The following SORCS1 variants were observed in gnomAD, a reference collection of about 807,000 sequenced individuals.
SORCS1 encodes sortilin related VPS10 domain containing receptor 1, also known as VPS10 domain-containing receptor SorCS1.
Under a neutral mutation model 146.1 loss-of-function variants are expected in SORCS1, and 60 were observed. That is an observed-to-expected ratio of 0.41 (90% CI 0.33 to 0.51). The LOEUF (loss-of-function observed/expected upper bound fraction) is 0.51, where lower values mean the gene tolerates loss of function less well. Among genes scored for constraint, SORCS1 ranks in the 20% least tolerant of loss-of-function variants. The probability of loss-of-function intolerance (pLI) is 0.21; values close to 1 mark genes in which losing one functional copy is unlikely to be tolerated. For synonymous variants in SORCS1, 637 were observed against 584.0 expected, an observed-to-expected ratio of 1.09 and a Z score of -1.31; for missense variants, 1,352 against 1,487.6, an observed-to-expected ratio of 0.91 and a Z score of 1.50.
intron 1 of SORCS1, among the ~76,000 whole-genome samples, chr10:107,039,068 G>A (rs550425729): frequency 6.6e-6 from 1 of 152,064 alleles, no homozygotes; most frequent in Non-Finnish European, 1.5e-5. Context: ...AAGAAATCAC[G>A]CCTGTAATCC....
At chr10:106,834,503 T>C (rs563489444) in intron 2 of SORCS1, among the ~76,000 whole-genome samples, 5 of 152,242 alleles carry the variant, frequency 3.3e-5, no homozygotes, top group South Asian at 2.1e-4. Context: ...CTAATGAGAT[T>C]AGTGTTCTGA....
chr10:106,944,279 G>C lies in SORCS1; in HGVS notation c.626+12234C>G, dbSNP rs73380965. Among the ~76,000 whole-genome samples, 1,181 of 152,224 alleles carry C rather than the reference G, an allele frequency of 7.8e-3. 22 individuals carry two copies. The highest frequency in any genetic ancestry group is 0.027 in the African/African-American group (1,123 of 41,534). ...TCTGGGATAAATGTCAGAATACTTA[G>C]CACAGAACTGACCAATTGCACACAC... On this transcript the variant is annotated intron_variant, in intron 2 of 25. Coordinates refer to ENST00000263054, the MANE Select transcript of SORCS1 (RefSeq NM_052918.5).
intron 2 of SORCS1, among the ~76,000 whole-genome samples, chr10:106,865,121 C>T (rs1282961269): frequency 6.6e-6 from 1 of 151,932 alleles, no homozygotes; most frequent in Non-Finnish European, 1.5e-5. Context: ...AGCACAGCTG[C>T]TATACAAAAA....
chr10:106,791,719 T>C (rs1403177811), intron 3 of SORCS1, among the ~76,000 whole-genome samples: 3 of 152,096 alleles, frequency 2.0e-5, no homozygotes, highest in African/African-American at 7.2e-5. Flanking sequence ...AAAAAGAATA[T>C]GAATTTTGCA....
At chr10:106,830,619 G>C (rs987798184) in intron 2 of SORCS1, among the ~76,000 whole-genome samples, 2 of 150,046 alleles carry the variant, frequency 1.3e-5, no homozygotes, top group African/African-American at 4.9e-5. Context: ...TATAGGGCTG[G>C]GCACAGTGGC....
At chr10:107,117,171 A>G (rs1274590637) in intron 1 of SORCS1, among the ~76,000 whole-genome samples, 1 of 152,216 alleles carries the variant, frequency 6.6e-6, no homozygotes, top group Non-Finnish European at 1.5e-5. Flanking sequence ...TTTGAAAAGA[A>G]GATTAATATG....
Position 106,577,353 on chromosome 10 carries a change from G to T in SORCS1, c.*67C>A. 1 of 1,612,410 alleles carries T rather than the reference G, an allele frequency of 6.2e-7. No homozygotes were observed. The highest frequency in any genetic ancestry group is 1.1e-5 in the South Asian group (1 of 90,736). On this transcript the variant is annotated 3_prime_UTR_variant, in exon 26 of 26. Transcript: ENST00000263054. The stretch of plus-strand genomic sequence containing the variant: ...CACAAAGTTAGTGGTCATGAAGGAT[G>T]ATGTACTTGACAAGAGCGAAATTCT...
At chr10:107,108,960 A>G (rs1354357124) in intron 1 of SORCS1, among the ~76,000 whole-genome samples, 2 of 152,240 alleles carry the variant, frequency 1.3e-5, no homozygotes, top group African/African-American at 2.4e-5. Flanking sequence ...TAAATCTTAA[A>G]GCTCCAAAAT....
At chr10:106,753,036 T>A (rs1314948419) in intron 5 of SORCS1, among the ~76,000 whole-genome samples, 1 of 152,156 alleles carries the variant, frequency 6.6e-6, no homozygotes, top group African/African-American at 2.4e-5. Context: ...AGTGACCTGC[T>A]TCATAGCTTT....
intron 1 of SORCS1, among the ~76,000 whole-genome samples, chr10:107,120,412 T>C (rs1329981558): frequency 6.6e-6 from 1 of 152,196 alleles, no homozygotes; most frequent in East Asian, 1.9e-4. Context: ...GAAGACATGA[T>C]TGTACAGTAT....
intron 5 of SORCS1, among the ~76,000 whole-genome samples, chr10:106,755,947 G>A (rs954807647): frequency 6.6e-5 from 10 of 152,008 alleles, no homozygotes; most frequent in East Asian, 1.9e-4. Context: ...TGGCCAACAC[G>A]GTGAAATTCC....
chr10:106,599,517 C>T (rs1024222355), intron 23 of SORCS1, among the ~76,000 whole-genome samples: 1 of 152,144 alleles, frequency 6.6e-6, no homozygotes, highest in Non-Finnish European at 1.5e-5. Context: ...AGGAATCAGA[C>T]AGTGGAGTTT....
chr10:106,670,309 A>C (rs1851492610), intron 16 of SORCS1, among the ~76,000 whole-genome samples: 1 of 152,238 alleles, frequency 6.6e-6, no homozygotes. Context: ...CAAATGTCTC[A>C]AGAAGGACTT....
At chr10:106,829,907 C>A (rs533046524) in intron 2 of SORCS1, among the ~76,000 whole-genome samples, 1 of 152,208 alleles carries the variant, frequency 6.6e-6, no homozygotes, top group South Asian at 2.1e-4. Flanking sequence ...CCTTAATGTA[C>A]GCACATTGCA....
Position 106,672,868 on chromosome 10 carries a change from C to T in SORCS1, c.2058G>A (p.Gln686=), listed in dbSNP as rs1851713151. 1.9e-6 allele frequency: 3 copies of T among 1,613,126 alleles called. No homozygotes were observed. Among genetic ancestry groups the T allele is most frequent in the Non-Finnish European group, 8.5e-7 (1 of 1,179,248 alleles). ...TTAGTCTCAGTTCTTTTCCTCCTAC[C>T]TGGCTGTGCAGCTGCCAAGGTCTGT... is the stretch of plus-strand genomic sequence containing the variant. ...EDYRPWQLHS[Q]GEACIMGAKR... is the part of the protein sequence containing the mutation. Residue 686 remains glutamine (Q), a splice_region_variant and synonymous_variant, in exon 15 of 26, where the codon CAG becomes CAA. Coordinates refer to ENST00000263054, the MANE Select transcript of SORCS1 (RefSeq NM_052918.5).
intron 9 of SORCS1, among the ~76,000 whole-genome samples, chr10:106,695,809 G>C (rs1281604145): frequency 6.6e-6 from 1 of 152,116 alleles, no homozygotes; most frequent in African/African-American, 2.4e-5. Context: ...AATTGACACT[G>C]ATGGAAAATT....
intron 1 of SORCS1, among the ~76,000 whole-genome samples, chr10:107,119,007 T>A (rs767440059): frequency 3.9e-5 from 6 of 152,168 alleles, no homozygotes; most frequent in Non-Finnish European, 5.9e-5. Flanking sequence ...CCCACATGAC[T>A]CACACAGGTC....
intron 9 of SORCS1, among the ~76,000 whole-genome samples, chr10:106,694,461 G>A (rs1853544430): frequency 6.6e-6 from 1 of 152,070 alleles, no homozygotes; most frequent in Admixed American, 6.6e-5. Flanking sequence ...TGGCCAGGCT[G>A]GTCATAAACA....
At chr10:107,112,165 A>C (rs1449637304) in intron 1 of SORCS1, among the ~76,000 whole-genome samples, 1 of 150,238 alleles carries the variant, frequency 6.7e-6, no homozygotes, top group Non-Finnish European at 1.5e-5. Context: ...AAAAAGCATA[A>C]AAAAAAACTA....
Sources: gnomAD v4.1 joint callset for allele counts (sites outside exome capture counted in the v4.1 genomes callset) on GRCh38, gnomAD v4.1.1 for gene constraint, MANE v1.5 for transcripts, NCBI Gene and HGNC (gene_info 2026-07-23, HGNC 2026-07-21) for gene names.